Variants in SH3GL2 observed in about 807,000 individuals in gnomAD.
The protein encoded by SH3GL2 is endophilin-A1.
Under a neutral mutation model 46.0 loss-of-function variants are expected in SH3GL2, and 24 were observed. That is an observed-to-expected ratio of 0.52 (90% confidence interval 0.38 to 0.73). SH3GL2 has a LOEUF of 0.73. SH3GL2 is among the 30% of genes least tolerant of loss of function. The probability of loss-of-function intolerance (pLI) is 0.00; values close to 1 mark genes in which losing one functional copy is unlikely to be tolerated. For synonymous variants in SH3GL2, 196 were observed against 147.1 expected (o/e 1.33, Z -2.40); for missense variants, 413 against 424.2 (o/e 0.97, Z 0.23).
chr9:17,732,669 A>G (rs985037903), intron 1 of SH3GL2, among the ~76,000 whole-genome samples: 1 of 152,116 alleles, frequency 6.6e-6, no homozygotes, highest in African/African-American at 2.4e-5. Flanking sequence ...CCTAGTGATA[A>G]TATGATTCAA....
In SH3GL2 at chr9:17,759,397, A is replaced by G. The variant is rs145940404; in HGVS notation, c.115-2040A>G. 2.9e-3 allele frequency among the ~76,000 whole-genome samples: 449 copies of G among 152,330 alleles called. 1 individual carries two copies. The highest frequency in any genetic ancestry group is 0.01 in the African/African-American group (419 of 41,588). On this transcript the variant is annotated intron_variant, in intron 2 of 8. Transcript: ENST00000380607. ...TCCCCAGCCCCATCTTAGGGAGGGA[A>G]CAAAGCATATTCCAGCTCTGACTTG... is the stretch of plus-strand genomic sequence containing the variant.
intron 1 of SH3GL2, among the ~76,000 whole-genome samples, chr9:17,692,537 T>C (rs1389850621): frequency 6.6e-6 from 1 of 151,570 alleles, no homozygotes; most frequent in Non-Finnish European, 1.5e-5. Context: ...TCCCAGCTAC[T>C]GGGAGGCTGA....
chr9:17,619,034 C>G (rs1462599306), intron 1 of SH3GL2, among the ~76,000 whole-genome samples: 1 of 152,046 alleles, frequency 6.6e-6, no homozygotes, highest in Non-Finnish European at 1.5e-5. Flanking sequence ...ATATTATCAA[C>G]CAACTGTATG....
intron 1 of SH3GL2, among the ~76,000 whole-genome samples, chr9:17,722,177 C>T (rs1821911687): frequency 6.6e-6 from 1 of 152,012 alleles, no homozygotes; most frequent in Non-Finnish European, 1.5e-5. Context: ...GGAAGTGTGG[C>T]TTTTTGGGCT....
intron 1 of SH3GL2, among the ~76,000 whole-genome samples, chr9:17,650,309 C>A (rs988747634): frequency 6.6e-6 from 1 of 152,178 alleles, no homozygotes; most frequent in Non-Finnish European, 1.5e-5. Context: ...TTTCTCAAGC[C>A]TTAATAATCA....
At chr9:17,737,122 T>C (rs1173740887) in intron 1 of SH3GL2, among the ~76,000 whole-genome samples, 5 of 151,942 alleles carry the variant, frequency 3.3e-5, no homozygotes, top group Admixed American at 6.6e-5. Flanking sequence ...AAACACCACA[T>C]GTTCTCACTC....
chr9:17,608,212 A>G (rs914553423), intron 1 of SH3GL2, among the ~76,000 whole-genome samples: 14 of 144,562 alleles, frequency 9.7e-5, no homozygotes, highest in Non-Finnish European at 1.8e-4. Context: ...CAGTGGCACA[A>G]TCTCAGCTCA....
At chr9:17,761,818 T>G (rs1341461716) in intron 3 of SH3GL2, among the ~76,000 whole-genome samples, 1 of 152,218 alleles carries the variant, frequency 6.6e-6, no homozygotes, top group Non-Finnish European at 1.5e-5. Context: ...GTTTGAACTT[T>G]CAAGAGATGG....
intron 1 of SH3GL2, among the ~76,000 whole-genome samples, chr9:17,630,900 C>G (rs1042863317): frequency 5.9e-5 from 9 of 152,100 alleles, no homozygotes; most frequent in Admixed American, 3.3e-4. Context: ...ACCCATGGCC[C>G]TTTTCTCCTA....
chr9:17,610,616 A>T (rs10963160), intron 1 of SH3GL2, among the ~76,000 whole-genome samples: 2 of 152,042 alleles, frequency 1.3e-5, no homozygotes, highest in African/African-American at 2.4e-5. Flanking sequence ...TCAGGGTGTA[A>T]GGATCCCTGG....
chr9:17,724,309 A>G (rs982888059), intron 1 of SH3GL2, among the ~76,000 whole-genome samples: 1 of 152,124 alleles, frequency 6.6e-6, no homozygotes, highest in South Asian at 2.1e-4. Flanking sequence ...ATACTCTTCA[A>G]GAGTCCCATT....
intron 1 of SH3GL2, among the ~76,000 whole-genome samples, chr9:17,606,149 A>G (rs1442962384): frequency 2.6e-5 from 4 of 151,958 alleles, no homozygotes; most frequent in East Asian, 1.9e-4. Context: ...CTGGAGTGCA[A>G]TGGCGTGATC....
intron 1 of SH3GL2, among the ~76,000 whole-genome samples, chr9:17,714,083 T>A (rs999280909): frequency 1.3e-5 from 2 of 151,710 alleles, no homozygotes; most frequent in African/African-American, 4.8e-5. Context: ...CTAAGGATTG[T>A]TATATCATCT....
chr9:17,758,012 TAGTC>T (rs1313956023), intron 2 of SH3GL2, among the ~76,000 whole-genome samples: 2 of 152,126 alleles, frequency 1.3e-5, no homozygotes, highest in East Asian at 1.9e-4. Context: ...AGTTAGAAAT[TAGTC>T]AGCCTCCTAC....
At chr9:17,603,873 A>G (rs1295537717) in intron 1 of SH3GL2, among the ~76,000 whole-genome samples, 2 of 152,200 alleles carry the variant, frequency 1.3e-5, no homozygotes, top group South Asian at 2.1e-4. Context: ...GTCAAAAAAG[A>G]AACAAACAAA....
chr9:17,707,360 C>T, intron 1 of SH3GL2, among the ~76,000 whole-genome samples: 1 of 152,098 alleles, frequency 6.6e-6, no homozygotes, highest in African/African-American at 2.4e-5. Flanking sequence ...CACTAGCTAT[C>T]TTCTAGGTGT....
intron 1 of SH3GL2, among the ~76,000 whole-genome samples, chr9:17,745,887 T>G (rs1279608404): frequency 2.0e-5 from 3 of 152,166 alleles, no homozygotes; most frequent in South Asian, 2.1e-4. Flanking sequence ...GTGCGATAAC[T>G]TTATGTAATA....
intron 1 of SH3GL2, among the ~76,000 whole-genome samples, chr9:17,713,418 G>C (rs1287573599): frequency 6.6e-6 from 1 of 150,728 alleles, no homozygotes; most frequent in Non-Finnish European, 1.5e-5. Context: ...TTGGCTTTGA[G>C]CTTTATTATT....
At chr9:17,588,571 G>A (rs1306031874) in intron 1 of SH3GL2, among the ~76,000 whole-genome samples, 2 of 152,142 alleles carry the variant, frequency 1.3e-5, no homozygotes, top group Admixed American at 6.5e-5. Context: ...GCCTCTAGGA[G>A]CAGAAATCAG....
Sources: gnomAD v4.1 joint callset for allele counts (sites outside exome capture counted in the v4.1 genomes callset) on GRCh38, gnomAD v4.1.1 for gene constraint, MANE v1.5 for transcripts, NCBI Gene and HGNC (gene_info 2026-07-23, HGNC 2026-07-21) for gene names.